Variants in SELP observed in about 807,000 individuals in gnomAD.
SELP encodes the protein selectin P.
Under a neutral mutation model 104.1 loss-of-function variants are expected in SELP, and 92 were observed. The ratio of observed to expected loss-of-function variants is 0.88; its 90% CI spans 0.75 to 1.05. The LOEUF is 1.05. Ranked by LOEUF, SELP falls within the 50% of genes least tolerant of loss-of-function variation. The probability of loss-of-function intolerance (pLI) is 0.00; values close to 1 mark genes in which losing one functional copy is unlikely to be tolerated. For missense variants in SELP, 1,022 were observed against 1,017.3 expected, an observed-to-expected ratio of 1.00 and a Z score of -0.06; for synonymous variants, 397 against 364.5, an observed-to-expected ratio of 1.09 and a Z score of -1.01.
At position 169,611,685 on chromosome 1, in the gene SELP, G is replaced by A. The variant is rs1357410615; in HGVS notation, c.962-8C>T. The A allele has an allele frequency of 1.2e-6, 2 of 1,612,068 alleles. No individual in the cohort carries two copies. The highest frequency in any genetic ancestry group is 1.7e-5 in the Admixed American group (1 of 59,778). Reference sequence around the variant, plus strand: ...GGTGCTGACACTGCACAGCTGGAGAGAATAACCAAGGATAAAGAGAAAGAT... The same window carrying A: ...GGTGCTGACACTGCACAGCTGGAGAAAATAACCAAGGATAAAGAGAAAGAT... On this transcript the variant is annotated splice_region_variant and splice_polypyrimidine_tract_variant and intron_variant, in intron 6 of 16. Coordinates refer to ENST00000263686, the MANE Select transcript of SELP (RefSeq NM_003005.4).
intron 13 of SELP, 21 bp downstream of exon 13, chr1:169,594,671 T>C: frequency 6.2e-7 from 1 of 1,609,124 alleles, no homozygotes; most frequent in Non-Finnish European, 8.5e-7. Context: ...AGTGACTTCT[T>C]AACCCACATG....
chr1:169,620,768 ATGTAGGGTGCATGGGACGGTGTGGGGTTG>A (rs1663058967), intron 1 of SELP, among the ~76,000 whole-genome samples: 1 of 146,396 alleles, frequency 6.8e-6, no homozygotes, highest in Non-Finnish European at 1.5e-5. Flanking sequence ...GTGATGGATG[ATGTAGGGTGCATGGGACGGTGTGGGGTTG>A]TGTGTGTGTG....
chr1:169,613,737 G>T, intron 3 of SELP, 44 bp from the exon 4 acceptor site: 2 of 1,523,818 alleles, frequency 1.3e-6, no homozygotes, highest in Non-Finnish European at 1.8e-6. Flanking sequence ...ATTCACAGAT[G>T]TGAGGAAAGG....
In SELP at chr1:169,594,856, T is replaced by C. The variant is rs766724007; in HGVS notation, c.2123A>G (p.His708Arg). 1 of 1,613,436 alleles carries C rather than the reference T, an allele frequency of 6.2e-7. No homozygotes were observed. Among genetic ancestry groups the C allele is most frequent in the Non-Finnish European group, 8.5e-7 (1 of 1,179,582 alleles). The change falls in exon 13 of 17, where the codon CAT becomes CGT. Residue 708 changes from histidine to arginine, a missense_variant. His to Arg is a conservative substitution (Grantham distance 29, BLOSUM62 0). Coordinates refer to ENST00000263686, the MANE Select transcript of SELP (RefSeq NM_003005.4). Reference protein sequence around the residue: ...ACRAVKCSELHVNKPIAMNCS... With the variant: ...ACRAVKCSELRVNKPIAMNCS... Reference sequence around the variant, plus strand: ...GTTCATCGCTATTGGCTTATTAACATGTAGTTCTGAGCATTTCACAGCTGC... The same window carrying C: ...GTTCATCGCTATTGGCTTATTAACACGTAGTTCTGAGCATTTCACAGCTGC...
chr1:169,613,526 A>C (rs1402096553), intron 4 of SELP, 60 bp downstream of exon 4: 8 of 1,276,768 alleles, frequency 6.3e-6, no homozygotes, highest in Non-Finnish European at 9.1e-6. Context: ...TGATTTATTT[A>C]CTTCTTGGCA....
chr1:169,612,786 A>C, intron 5 of SELP, 143 bp downstream of exon 5: 2 of 630,598 alleles, frequency 3.2e-6, no homozygotes, highest in African/African-American at 1.8e-5. Context: ...ACTCTGGTTG[A>C]CAGTTAACAG....
chr1:169,590,551 T>C (rs1037449426), intron 15 of SELP, among the ~76,000 whole-genome samples: 6 of 145,514 alleles, frequency 4.1e-5, no homozygotes, highest in African/African-American at 1.6e-4. Context: ...GGGTGCAATA[T>C]GACCCCTAGG....
intron 1 of SELP, among the ~76,000 whole-genome samples, chr1:169,620,949 CTGTGTGTG>C (rs57455285): frequency 3.9e-5 from 3 of 76,950 alleles, no homozygotes; most frequent in African/African-American, 1.1e-4. Context: ...GTGTGGGGTT[CTGTGTGTG>C]TGTGTGTGTG....
chr1:169,626,755 C>T (rs1029897497), intron 1 of SELP, among the ~76,000 whole-genome samples: 4 of 152,122 alleles, frequency 2.6e-5, no homozygotes, highest in African/African-American at 9.7e-5. Context: ...AGTGCAGTGG[C>T]ATGATCTGGG....
chr1:169,609,700 A>G lies in SELP; in HGVS notation c.1148-11T>C, dbSNP rs1177732015. On this transcript the variant is annotated splice_polypyrimidine_tract_variant and intron_variant, in intron 7 of 16. Transcript: ENST00000263686. Reference sequence around the variant, plus strand: ...GCTCACACGAAATAGCTAAGTGGAAAAGGTATCTTCTAAAGCCAGGTAATG... The same window carrying G: ...GCTCACACGAAATAGCTAAGTGGAAGAGGTATCTTCTAAAGCCAGGTAATG... 3.7e-6 allele frequency: 6 copies of G among 1,604,086 alleles called. No individual in the cohort carries two copies. In the South Asian group the frequency reaches 6.7e-5, roughly 18 times the overall value.
At chr1:169,589,633 T>G (rs1661249094) in intron 16 of SELP, 172 bp from the exon 17 acceptor site, 1 of 151,792 alleles carries the variant, frequency 6.6e-6, no homozygotes, top group African/African-American at 2.4e-5. Context: ...AAGAAAAAAA[T>G]TGCTCATCAT....
chr1:169,621,501 G>T (rs372343008), intron 1 of SELP, among the ~76,000 whole-genome samples: 3 of 150,922 alleles, frequency 2.0e-5, no homozygotes, highest in African/African-American at 7.3e-5. Flanking sequence ...GCATGGGACA[G>T]TGTGGGGTTG....
intron 13 of SELP, 29 bp from the exon 14 acceptor site, chr1:169,593,753 A>G (rs1422784174): frequency 1.9e-6 from 3 of 1,611,358 alleles, no homozygotes; most frequent in Admixed American, 1.7e-5. Context: ...CACATGCAAG[A>G]CATAAGAAGT....
chr1:169,605,491 G>GT (rs796381004), intron 9 of SELP, among the ~76,000 whole-genome samples: 11 of 150,288 alleles, frequency 7.3e-5, no homozygotes, highest in Admixed American at 4.0e-4. Context: ...GTGTGTGGGG[G>GT]GTGTGTGTGT....
intron 2 of SELP, among the ~76,000 whole-genome samples, chr1:169,618,129 C>T (rs113207141): frequency 6.6e-6 from 1 of 152,166 alleles, no homozygotes; most frequent in Non-Finnish European, 1.5e-5. Context: ...AAATCTCCGA[C>T]GGTGTTTTCT....
intron 1 of SELP, among the ~76,000 whole-genome samples, chr1:169,623,104 A>G (rs1663215427): frequency 6.6e-6 from 1 of 152,218 alleles, no homozygotes; most frequent in African/African-American, 2.4e-5. Flanking sequence ...GAGGTATAGG[A>G]GCAAAAATAT....
intron 3 of SELP, among the ~76,000 whole-genome samples, chr1:169,616,597 G>T (rs1662822848): frequency 6.6e-6 from 1 of 152,154 alleles, no homozygotes; most frequent in Non-Finnish European, 1.5e-5. Context: ...ATTAGTTACA[G>T]CTGTGTCACC....
rs1408148474 is a variant in SELP, at chr1:169,613,621, C to T, written c.554G>A (p.Cys185Tyr). ...TTCTGGCCCATAGAATCCAGGGTAA[C>T]AGGAGCAGGTGTAGTTCCCGATGGT... The part of the protein sequence containing the change: ...LETIGNYTCS[C>Y]YPGFYGPECE... The change falls in exon 4 of 17, where the codon TGT (cysteine) becomes TAT (tyrosine). Residue 185 changes from cysteine (C) to tyrosine (Y), a missense_variant. Physicochemically the swap from Cys to Tyr is radical, Grantham distance 194. Transcript: ENST00000263686. 1.9e-6 allele frequency: 3 copies of T among 1,613,888 alleles called. No homozygotes were observed. The highest frequency in any genetic ancestry group is 3.3e-5 in the Admixed American group (2 of 59,984).
intron 9 of SELP, among the ~76,000 whole-genome samples, chr1:169,603,938 T>A (rs1387073073): frequency 2.0e-5 from 3 of 152,244 alleles, no homozygotes; most frequent in Non-Finnish European, 4.4e-5. Context: ...GGTAGCAACA[T>A]GATTTATAAT....
Sources: gnomAD v4.1 joint callset for allele counts (sites outside exome capture counted in the v4.1 genomes callset) on GRCh38, gnomAD v4.1.1 for gene constraint, MANE v1.5 for transcripts, NCBI Gene and HGNC (gene_info 2026-07-23, HGNC 2026-07-21) for gene names.